RABGEF1: variants seen among roughly 807,000 people sequenced by gnomAD.
RABGEF1 encodes the protein RAB guanine nucleotide exchange factor 1.
A neutral mutation model predicts 57.3 loss-of-function variants in RABGEF1; 26 were observed. That is an observed-to-expected ratio of 0.45 (90% CI 0.33 to 0.63). RABGEF1 has a LOEUF of 0.63. Among genes scored for constraint, RABGEF1 ranks in the 20% least tolerant of loss-of-function variants. The pLI, the probability that RABGEF1 is intolerant of heterozygous loss-of-function variation, is 0.02. For missense variants in RABGEF1, 464 were observed against 607.6 expected, an observed-to-expected ratio of 0.76 and a Z score of 2.48; for synonymous variants, 185 against 210.7, an observed-to-expected ratio of 0.88 and a Z score of 1.06.
intron 5 of RABGEF1, among the ~76,000 whole-genome samples, chr7:66,796,255 C>T (rs1051665878): frequency 1.3e-5 from 2 of 151,958 alleles, no homozygotes; most frequent in Non-Finnish European, 2.9e-5. Flanking sequence ...AAAAGAGCTT[C>T]AAGTTTTTAG....
chr7:66,785,145 T>C (rs529855006), intron 4 of RABGEF1, among the ~76,000 whole-genome samples: 1 of 152,336 alleles, frequency 6.6e-6, no homozygotes, highest in Admixed American at 6.5e-5. Context: ...TGTAATAATT[T>C]AGTAGACTTC....
At chr7:66,663,294 G>C in the RABGEF1 span, among the ~76,000 whole-genome samples, 1 of 152,190 alleles carries the variant, frequency 6.6e-6, no homozygotes, top group Non-Finnish European at 1.5e-5. Flanking sequence ...AGCTCTGAAG[G>C]CTGTGAGATC....
rs560720650 is a variant in RABGEF1 at position 66,685,333 on chromosome 7, T to C, written c.-873+3075T>C. ...CATGCCCAGCTAATTACTTCTGTCT[T>C]GTATTTTAATCTTCTCTGCTCTTTA... On this transcript the variant is annotated intron_variant and NMD_transcript_variant, in intron 1 of 9. Coordinates refer to the RABGEF1 transcript ENST00000607882. 5.9e-5 allele frequency among the ~76,000 whole-genome samples: 9 copies of C among 152,104 alleles called. No individual in the cohort carries two copies. In the South Asian group the frequency reaches 6.2e-4, roughly 11 times the overall value.
At chr7:66,753,799 C>T (rs558674719) in intron 1 of RABGEF1, among the ~76,000 whole-genome samples, 31 of 150,022 alleles carry the variant, frequency 2.1e-4, no homozygotes, top group African/African-American at 2.4e-4. Context: ...CTCTGCCTCC[C>T]GGGTTCAAGC....
At chr7:66,688,525 T>C (rs1322577950) in intron 1 of RABGEF1, among the ~76,000 whole-genome samples, 1 of 152,200 alleles carries the variant, frequency 6.6e-6, no homozygotes, top group Non-Finnish European at 1.5e-5. Flanking sequence ...AAAACAAGTA[T>C]TAATGTTTTA....
intron 2 of RABGEF1, among the ~76,000 whole-genome samples, chr7:66,713,218 C>T (rs539572483): frequency 1.7e-4 from 26 of 151,572 alleles, no homozygotes; most frequent in Non-Finnish European, 2.4e-4. Flanking sequence ...CTCAGCTCAC[C>T]GCAAGCTCTG....
upstream of RABGEF1, among the ~76,000 whole-genome samples, chr7:66,739,126 T>C (rs80061906): frequency 4.2e-3 from 640 of 151,966 alleles, 3 homozygotes; most frequent in Non-Finnish European, 7.8e-3. Context: ...AATTTTGTAT[T>C]TTTAGTAGAG....
At chr7:66,789,454 G>A (rs1812042901) in intron 4 of RABGEF1, among the ~76,000 whole-genome samples, 1 of 152,078 alleles carries the variant, frequency 6.6e-6, no homozygotes, top group South Asian at 2.1e-4. Flanking sequence ...AGGCTGAGAT[G>A]GGCGGATCAC....
chr7:66,657,776 G>A, the RABGEF1 span, among the ~76,000 whole-genome samples: 8 of 152,182 alleles, frequency 5.3e-5, no homozygotes, highest in Non-Finnish European at 1.2e-4. Flanking sequence ...AGCCGAGATA[G>A]CACCACTGCA....
chr7:66,773,687 A>G (rs1165732970), intron 2 of RABGEF1: 2 of 453,886 alleles, frequency 4.4e-6, no homozygotes, highest in African/African-American at 4.0e-5. Flanking sequence ...TGTTTTTGAG[A>G]CAGGGTCTTG....
intron 4 of RABGEF1, among the ~76,000 whole-genome samples, chr7:66,788,957 TC>T (rs1410252984): frequency 6.6e-6 from 1 of 151,592 alleles, no homozygotes; most frequent in Non-Finnish European, 1.5e-5. Context: ...AAACTCTGTC[TC>T]AAAAAAAAAT....
At chr7:66,768,181 A>G (rs1369943184) in intron 1 of RABGEF1, among the ~76,000 whole-genome samples, 4 of 152,222 alleles carry the variant, frequency 2.6e-5, no homozygotes, top group Non-Finnish European at 5.9e-5. Context: ...GGGAGACATT[A>G]TATTTACTGT....
At chr7:66,795,855 A>G (rs968852515) in intron 5 of RABGEF1, among the ~76,000 whole-genome samples, 1 of 152,186 alleles carries the variant, frequency 6.6e-6, no homozygotes, top group Non-Finnish European at 1.5e-5. Context: ...AAAACATCTT[A>G]GGGCCTGGCT....
intron 7 of RABGEF1, among the ~76,000 whole-genome samples, chr7:66,800,963 A>C (rs187556485): frequency 1.2e-4 from 19 of 152,366 alleles, no homozygotes; most frequent in African/African-American, 4.3e-4. Context: ...TAAGTTACAC[A>C]GTGTGGGTCA....
At chr7:66,795,687 G>A (rs1813863342) in intron 5 of RABGEF1, 95 bp downstream of exon 5, 1 of 1,189,694 alleles carries the variant, frequency 8.4e-7, no homozygotes, top group Admixed American at 1.7e-5. Flanking sequence ...GGTCTGGCTG[G>A]TTTGTAGACT....
At chr7:66,738,731 C>CAAAAAA (rs546724986), upstream of RABGEF1, among the ~76,000 whole-genome samples, 8 of 94,968 alleles carry the variant, frequency 8.4e-5, no homozygotes, top group Non-Finnish European at 1.4e-4. Flanking sequence ...GACTCTAACT[C>CAAAAAA]AAAAAAAAAA....
chr7:66,771,525 T>A (rs1490115259), intron 1 of RABGEF1, among the ~76,000 whole-genome samples: 5 of 152,210 alleles, frequency 3.3e-5, no homozygotes, highest in African/African-American at 1.2e-4. Flanking sequence ...CTAGAAGTCA[T>A]TGCAAAATCC....
At chr7:66,705,578 C>T (rs980280013) in intron 1 of RABGEF1, among the ~76,000 whole-genome samples, 14 of 151,466 alleles carry the variant, frequency 9.2e-5, no homozygotes, top group African/African-American at 3.2e-4. Context: ...AGCTTTATGT[C>T]CTGCAACCTT....
chr7:66,658,084 T>C, the RABGEF1 span, among the ~76,000 whole-genome samples: 1 of 152,018 alleles, frequency 6.6e-6, no homozygotes, highest in Non-Finnish European at 1.5e-5. Context: ...AAATCAGAAA[T>C]GAAAATGAGG....
Sources: allele counts gnomAD v4.1 joint callset (sites outside exome capture counted in the v4.1 genomes callset), GRCh38; gene constraint gnomAD v4.1.1; transcripts MANE v1.5; gene names NCBI Gene and HGNC (gene_info 2026-07-23, HGNC 2026-07-21).